The following KCNMA1 variants were observed in gnomAD, a reference collection of about 807,000 sequenced individuals.
The protein encoded by KCNMA1 is Calcium-activated potassium channel subunit alpha-1.
KCNMA1 carries 29 observed loss-of-function variants against 140.0 expected under a neutral mutation model. The ratio of observed to expected loss-of-function variants is 0.21; its 90% CI spans 0.15 to 0.28. KCNMA1 has a LOEUF of 0.28. KCNMA1 is among the 10% of genes least tolerant of loss of function. KCNMA1 has a pLI of 1.00. For missense variants in KCNMA1, 880 were observed against 1,602.2 expected, an observed-to-expected ratio of 0.55 and a Z score of 7.70; for synonymous variants, 612 against 611.9, an observed-to-expected ratio of 1.00 and a Z score of 0.00.
rs2098239854 is a variant in KCNMA1, at chr10:77,474,662, A to AAG, written c.379-70641_379-70640dup. Among the ~76,000 whole-genome samples the AAG allele has an allele frequency of 3.3e-5, 5 of 152,076 alleles. No homozygotes were observed. In the South Asian group the frequency reaches 1.0e-3, roughly 32 times the overall value. On this transcript the variant is annotated intron_variant, in intron 1 of 27. Coordinates refer to ENST00000286628, the MANE Select transcript of KCNMA1 (RefSeq NM_001161352.2). ...TTCTTTTTTTTTTCTCTCTCTCCCAAAGACTGGACAGCCAAACAACACAGA... is the reference window on the plus strand; with the variant it reads ...TTCTTTTTTTTTTCTCTCTCTCCCAAAGAGACTGGACAGCCAAACAACACAGA...
At chr10:77,239,110 G>A (rs1319897827) in intron 3 of KCNMA1, among the ~76,000 whole-genome samples, 2 of 152,146 alleles carry the variant, frequency 1.3e-5, no homozygotes, top group Non-Finnish European at 2.9e-5. Context: ...ATGGCTGCCT[G>A]GAGCACCTTT....
intron 3 of KCNMA1, among the ~76,000 whole-genome samples, chr10:77,243,098 C>A (rs1310369620): frequency 6.6e-6 from 1 of 152,150 alleles, no homozygotes; most frequent in Admixed American, 6.6e-5. Flanking sequence ...ATGTGTCAGG[C>A]TGTCAGGTCA....
intron 1 of KCNMA1, among the ~76,000 whole-genome samples, chr10:77,440,400 A>C (rs747940552): frequency 6.6e-6 from 1 of 152,236 alleles, no homozygotes; most frequent in Non-Finnish European, 1.5e-5. Flanking sequence ...TAAGAGGCAG[A>C]GCAAGGGTGA....
chr10:77,609,753 A>T (rs528154666), intron 1 of KCNMA1, among the ~76,000 whole-genome samples: 22 of 89,808 alleles, frequency 2.4e-4, no homozygotes, highest in African/African-American at 6.1e-4. Flanking sequence ...TGTTCATTTT[A>T]AAAAAAAAAA....
chr10:77,360,867 G>T (rs767190544), intron 2 of KCNMA1, among the ~76,000 whole-genome samples: 4 of 152,184 alleles, frequency 2.6e-5, no homozygotes, highest in Non-Finnish European at 5.9e-5. Flanking sequence ...CAAGGAGTGG[G>T]GCACTAGCAC....
At chr10:77,143,605 T>C (rs982004595) in intron 5 of KCNMA1, among the ~76,000 whole-genome samples, 1 of 152,190 alleles carries the variant, frequency 6.6e-6, no homozygotes, top group African/African-American at 2.4e-5. Context: ...GATGGATCAC[T>C]GACTTCAATG....
At chr10:77,509,432 T>C (rs2047527193) in intron 1 of KCNMA1, among the ~76,000 whole-genome samples, 1 of 147,522 alleles carries the variant, frequency 6.8e-6, no homozygotes, top group Non-Finnish European at 1.5e-5. Context: ...CTCTTGGTTA[T>C]TGTGAATAAT....
intron 2 of KCNMA1, among the ~76,000 whole-genome samples, chr10:77,294,452 C>T (rs986129493): frequency 6.6e-6 from 1 of 152,202 alleles, no homozygotes; most frequent in Non-Finnish European, 1.5e-5. Flanking sequence ...ATATATACAT[C>T]TTGGAAGGCA....
At chr10:77,134,792 A>T (rs531577183) in intron 5 of KCNMA1, among the ~76,000 whole-genome samples, 1 of 151,986 alleles carries the variant, frequency 6.6e-6, no homozygotes, top group Admixed American at 6.6e-5. Flanking sequence ...AGATCAGGAG[A>T]TCGAGACCAT....
chr10:77,226,464 T>C (rs1565342411), intron 3 of KCNMA1, among the ~76,000 whole-genome samples: 1 of 151,794 alleles, frequency 6.6e-6, no homozygotes, highest in Non-Finnish European at 1.5e-5. Context: ...ATTTGAGCCA[T>C]CCTGGTTTGA....
At chr10:77,170,300 C>T (rs969298962) in intron 5 of KCNMA1, among the ~76,000 whole-genome samples, 1 of 152,244 alleles carries the variant, frequency 6.6e-6, no homozygotes, top group African/African-American at 2.4e-5. Flanking sequence ...CTGGGCATCT[C>T]AGTGTCTGCA....
chr10:77,258,185 T>C (rs1006262187), intron 2 of KCNMA1, among the ~76,000 whole-genome samples: 1 of 152,212 alleles, frequency 6.6e-6, no homozygotes, highest in Non-Finnish European at 1.5e-5. Flanking sequence ...CTTGAAAAGG[T>C]AGCCCTCACT....
chr10:77,009,126 G>C (rs1237761138), intron 18 of KCNMA1, among the ~76,000 whole-genome samples: 2 of 152,170 alleles, frequency 1.3e-5, no homozygotes, highest in Non-Finnish European at 2.9e-5. Context: ...GAGGTTGGGG[G>C]AGGAGGCACA....
intron 25 of KCNMA1, 99 bp downstream of exon 25, chr10:76,909,867 C>A: frequency 7.6e-7 from 1 of 1,311,770 alleles, no homozygotes; most frequent in Non-Finnish European, 1.1e-6. Flanking sequence ...TCTTGCTCTC[C>A]ACTGTGGCCC....
chr10:77,103,362 C>T (rs924135590), intron 9 of KCNMA1, among the ~76,000 whole-genome samples: 5 of 152,214 alleles, frequency 3.3e-5, no homozygotes, highest in African/African-American at 1.2e-4. Context: ...ATGAAACAAA[C>T]ACACAGAATG....
intron 2 of KCNMA1, among the ~76,000 whole-genome samples, chr10:77,311,887 A>C (rs2079408333): frequency 6.6e-6 from 1 of 152,176 alleles, no homozygotes. Flanking sequence ...CAGGAGATCT[A>C]TCCCATGCTT....
intron 17 of KCNMA1, among the ~76,000 whole-genome samples, chr10:77,016,731 G>A (rs1460009307): frequency 2.6e-5 from 4 of 152,096 alleles, no homozygotes; most frequent in Non-Finnish European, 4.4e-5. Flanking sequence ...GGAGGAAAGA[G>A]CAAGTACCCA....
In KCNMA1 at chr10:77,079,168, G is replaced by A. The variant is rs549912978; in HGVS notation, c.1593+313C>T. Among the ~76,000 whole-genome samples, 5 of 152,236 alleles carry A rather than the reference G, an allele frequency of 3.3e-5. No individual in the cohort carries two copies. In the East Asian group the frequency reaches 9.7e-4, roughly 29 times the overall value. ...GCCTGTAATCCCAGCTACTCAAGAG[G>A]CAGAGGCAGGAGAATTGCTTGAACT... On this transcript the variant is annotated intron_variant, in intron 13 of 27. Transcript: ENST00000286628.
intron 1 of KCNMA1, among the ~76,000 whole-genome samples, chr10:77,485,235 T>C (rs1311957732): frequency 4.6e-5 from 7 of 152,224 alleles, no homozygotes; most frequent in African/African-American, 9.7e-5. Context: ...TCATATTACA[T>C]ACGCAATAAA....
Sources: gnomAD v4.1 joint callset for allele counts (sites outside exome capture counted in the v4.1 genomes callset) on GRCh38, gnomAD v4.1.1 for gene constraint, MANE v1.5 for transcripts, NCBI Gene and HGNC (gene_info 2026-07-23, HGNC 2026-07-21) for gene names.